The following FAAP20 variants were observed in gnomAD, a reference collection of about 807,000 sequenced individuals.
FAAP20 encodes Fanconi anemia core complex-associated protein 20.
In FAAP20, 12 loss-of-function variants were observed where a neutral mutation model predicts 16.2. The observed-to-expected ratio is 0.74, with a 90% CI of 0.48 to 1.20. The LOEUF (loss-of-function observed/expected upper bound fraction) is 1.20. FAAP20 is among the 50% of genes most tolerant of loss of function. The pLI, the probability that FAAP20 is intolerant of heterozygous loss-of-function variation, is 0.00. For synonymous variants in FAAP20, 141 were observed against 110.7 expected (o/e 1.27, Z -1.72); for missense variants, 288 against 245.8 (o/e 1.17, Z -1.15).
downstream of FAAP20, among the ~76,000 whole-genome samples, chr1:2,210,217 C>A (rs141069092): frequency 8.7e-4 from 133 of 152,358 alleles, 1 homozygote; most frequent in African/African-American, 3.2e-3. Context: ...TGGGACTTCA[C>A]ACCTGAAATC....
At chr1:2,192,615 C>T in intron 3 of FAAP20, 1 of 1,156,402 alleles carries the variant, frequency 8.6e-7, no homozygotes, top group Non-Finnish European at 1.1e-6. Flanking sequence ...GGGCTCCCAA[C>T]AGTACCCTCT....
At chr1:2,189,021 A>AC (rs202026410), downstream of FAAP20, among the ~76,000 whole-genome samples, 723 of 146,704 alleles carry the variant, frequency 4.9e-3, 14 homozygotes, top group Non-Finnish European at 4.2e-3. Context: ...GAAAAAAAAA[A>AC]AAAAAAACAA....
downstream of FAAP20, among the ~76,000 whole-genome samples, chr1:2,211,731 G>A (rs1048722727): frequency 1.3e-5 from 2 of 151,310 alleles, no homozygotes; most frequent in African/African-American, 4.9e-5. Context: ...TTACAGGCAT[G>A]AGCCACCGTG....
downstream of FAAP20, among the ~76,000 whole-genome samples, chr1:2,209,334 C>T (rs1221745399): frequency 6.6e-6 from 1 of 152,228 alleles, no homozygotes; most frequent in Non-Finnish European, 1.5e-5. Flanking sequence ...TCGACTTACC[C>T]TCGTCTATTC....
chr1:2,184,757 G>T, downstream of FAAP20: 1 of 1,510,126 alleles, frequency 6.6e-7, no homozygotes. Context: ...ATGGCAGGCC[G>T]GCACCTTGGG....
At chr1:2,189,166 G>A (rs1334743533), downstream of FAAP20, among the ~76,000 whole-genome samples, 1 of 150,554 alleles carries the variant, frequency 6.6e-6, no homozygotes, top group Non-Finnish European at 1.5e-5. Context: ...CCCTCCATCT[G>A]TACAAAAAAT....
chr1:2,200,300 CAGG>C (rs1421647571), upstream of FAAP20: 3 of 151,010 alleles, frequency 2.0e-5, no homozygotes. Context: ...GAGGCTGAGG[CAGG>C]AGAATCGCTT....
downstream of FAAP20, chr1:2,185,230 C>T (rs1292625677): frequency 1.4e-6 from 1 of 708,612 alleles, no homozygotes; most frequent in African/African-American, 1.7e-5. Context: ...GAACTTGCTG[C>T]TGTGCCTGCG....
rs373648913 is a variant in FAAP20, at chr1:2,190,890, T to C, written c.471-1109A>G. ...GGCGCGCCGTTTTACCCTTGGGCTT[T>C]GCTGTGTCCCTTCCTTTGGCTCCTG... On this transcript the variant is annotated intron_variant, in intron 3 of 3. Transcript: ENST00000378546. 1.4e-4 allele frequency: 24 copies of C among 168,146 alleles called. No homozygotes were observed. In the East Asian group the frequency reaches 3.3e-3, roughly 23 times the overall value. 10.4% of individuals were successfully genotyped at this position (168,146 alleles called of 1,614,324 possible). A position where few individuals can be genotyped will look rare whatever the true frequency, so the allele number is the denominator to read the frequency against.
chr1:2,203,701 C>T (rs1012154664), upstream of FAAP20: 9 of 960,424 alleles, frequency 9.4e-6, no homozygotes, highest in Non-Finnish European at 1.1e-5. Flanking sequence ...CTCAAATCCC[C>T]TGTTCCTTGA....
Position 2,205,271 on chromosome 1 carries a change from C to A in FAAP20, n.451+1034G>T, listed in dbSNP as rs1294099083. Among the ~76,000 whole-genome samples the A allele has an allele frequency of 3.2e-4, 38 of 120,506 alleles. 1 individual carries two copies. In the East Asian group the frequency reaches 9.1e-3, roughly 29 times the overall value. 79.1% of individuals were successfully genotyped at this position (120,506 alleles called of 152,430 possible). ...CCAGTGCCACCGTCCTTCCAGGCAG[C>A]GCCCACACCCCGCCCCTCATGGGCA... On this transcript the variant is annotated intron_variant and non_coding_transcript_variant, in intron 3 of 7. Coordinates refer to the FAAP20 transcript ENST00000469733.
intron 1 of FAAP20, among the ~76,000 whole-genome samples, chr1:2,206,987 G>C (rs1387544325): frequency 1.3e-5 from 2 of 152,192 alleles, no homozygotes; most frequent in African/African-American, 4.8e-5. Flanking sequence ...CTTGCCCAGG[G>C]ACAAACCCGA....
chr1:2,202,758 G>A (rs978047340), upstream of FAAP20, among the ~76,000 whole-genome samples: 2 of 152,142 alleles, frequency 1.3e-5, no homozygotes, highest in Non-Finnish European at 2.9e-5. Context: ...TTACAAGCAT[G>A]AGCCACTGCA....
intron 1 of FAAP20, 77 bp from the exon 2 acceptor site, chr1:2,194,210 G>C: frequency 2.5e-6 from 4 of 1,569,408 alleles, no homozygotes; most frequent in Non-Finnish European, 3.5e-6. Flanking sequence ...GGAGGGCCTG[G>C]GGCAGAGAGA....
chr1:2,210,101 C>T (rs1255442791), downstream of FAAP20, among the ~76,000 whole-genome samples: 3 of 152,188 alleles, frequency 2.0e-5, no homozygotes, highest in South Asian at 2.1e-4. Flanking sequence ...TCTCCAGGCA[C>T]CTTGTCTGTG....
downstream of FAAP20, chr1:2,184,867 C>A (rs2100596290): frequency 1.3e-6 from 2 of 1,510,794 alleles, no homozygotes; most frequent in East Asian, 2.3e-5. Context: ...CTCCGCTTCC[C>A]CCAAGGGAAT....
upstream of FAAP20, chr1:2,198,201 T>C (rs143633997): frequency 5.3e-4 from 668 of 1,250,344 alleles, 4 homozygotes; most frequent in East Asian, 9.2e-3. Context: ...AATGAGTTTT[T>C]TCTAAGCCAA....
chr1:2,190,450 CG>C, intron 3 of FAAP20: 1 of 444,010 alleles, frequency 2.3e-6, no homozygotes, highest in Admixed American at 2.4e-5. Context: ...CCAGTGGGGC[CG>C]GGAGGGGTGT....
At chr1:2,198,034 G>A (rs1395944259), upstream of FAAP20, 1 of 1,291,396 alleles carries the variant, frequency 7.7e-7, no homozygotes, top group East Asian at 5.5e-5. Context: ...CAAGTTATCA[G>A]CATGACACAG....
Sources: allele counts gnomAD v4.1 joint callset (sites outside exome capture counted in the v4.1 genomes callset), GRCh38; gene constraint gnomAD v4.1.1; transcripts MANE v1.5; gene names NCBI Gene and HGNC (gene_info 2026-07-23, HGNC 2026-07-21).